Variants in HACL2 observed in about 807,000 individuals in gnomAD.
HACL2 encodes 2-hydroxyacyl-CoA lyase 1 like.
chr19:15,124,556 T>C, the HACL2 span: 6 of 269,974 alleles, frequency 2.2e-5, no homozygotes, highest in Non-Finnish European at 7.1e-6. Flanking sequence ...AGAGGGCAAC[T>C]GTTATGAAAC....
chr19:15,117,682 A>T, the HACL2 span: 1 of 541,060 alleles, frequency 1.8e-6, no homozygotes, highest in Non-Finnish European at 3.2e-6. Context: ...TCGTCTCTAA[A>T]AAATAAAAAT....
the HACL2 span, chr19:15,122,848 C>T: frequency 4.3e-6 from 7 of 1,613,244 alleles, no homozygotes; most frequent in Non-Finnish European, 5.1e-6. This position sits in a 1 kb window ranked among gnomAD's most constrained non-coding sequence, Gnocchi z 4.0. Flanking sequence ...ATGTCCCCAG[C>T]CCCTCGGCCC....
the HACL2 span, chr19:15,125,099 G>C: frequency 6.7e-7 from 1 of 1,487,954 alleles, no homozygotes; most frequent in South Asian, 1.3e-5. Context: ...TCCCAGACTT[G>C]GGCGCGACAG....
At chr19:15,115,942 G>C in the HACL2 span, 1 of 1,614,136 alleles carries the variant, frequency 6.2e-7, no homozygotes, top group Non-Finnish European at 8.5e-7. Context: ...GGGGACCCAG[G>C]ATGGTTAGGG....
chr19:15,121,139 T>A, the HACL2 span, among the ~76,000 whole-genome samples: 131 of 151,974 alleles, frequency 8.6e-4, no homozygotes, highest in Non-Finnish European at 1.3e-3. Context: ...TGCACCTGTA[T>A]TCCCAGCTAC....
chr19:15,118,929 G>A, the HACL2 span, among the ~76,000 whole-genome samples: 3 of 152,340 alleles, frequency 2.0e-5, no homozygotes, highest in Admixed American at 1.3e-4. Flanking sequence ...CCTTATAGGT[G>A]GATCTTGAGA....
At chr19:15,125,293 TC>T in the HACL2 span, 390 of 557,546 alleles carry the variant, frequency 7.0e-4, no homozygotes, top group African/African-American at 7.0e-3. Flanking sequence ...CTAGCCCCAG[TC>T]CTTTACATCA....
the HACL2 span, chr19:15,120,146 T>A: frequency 9.2e-7 from 1 of 1,091,514 alleles, no homozygotes; most frequent in Non-Finnish European, 1.3e-6. Flanking sequence ...TTCCAGGATC[T>A]GAGCAAGGAA....
chr19:15,119,463 A>G, the HACL2 span: 2 of 1,614,150 alleles, frequency 1.2e-6, no homozygotes, highest in East Asian at 4.5e-5. Context: ...CTGACTCCCC[A>G]GCACCATCAG....
chr19:15,115,529 G>A, the HACL2 span: 5 of 1,601,902 alleles, frequency 3.1e-6, no homozygotes, highest in Non-Finnish European at 4.3e-6. Context: ...GACTGAAACA[G>A]CCTCCTGTCC....
chr19:15,119,930 C>T, the HACL2 span: 1 of 1,280,876 alleles, frequency 7.8e-7, no homozygotes, highest in Non-Finnish European at 1.1e-6. Flanking sequence ...AGGGGGCCCT[C>T]TCCCCTCAGG....
the HACL2 span, chr19:15,125,001 A>G: frequency 6.3e-7 from 1 of 1,591,254 alleles, no homozygotes; most frequent in Non-Finnish European, 8.6e-7. Flanking sequence ...CCCGCAGGCC[A>G]GGAGCAGGAA....
the HACL2 span, chr19:15,115,974 G>C: frequency 6.2e-7 from 1 of 1,614,080 alleles, no homozygotes; most frequent in Non-Finnish European, 8.5e-7. Flanking sequence ...CTAGAGAGCA[G>C]CAAGTCTCCC....
At chr19:15,119,991 G>A in the HACL2 span, 4 of 1,548,594 alleles carry the variant, frequency 2.6e-6, no homozygotes, top group Admixed American at 4.0e-5. Flanking sequence ...CCTGCTGCGG[G>A]GAAGCCTGGG....
chr19:15,115,066 AGAG>A, the HACL2 span: 1 of 682,390 alleles, frequency 1.5e-6, no homozygotes, highest in Non-Finnish European at 2.6e-6. Context: ...GGGTCCGTGA[AGAG>A]GAGGGTCCAA....
the HACL2 span, chr19:15,123,867 C>A: frequency 2.1e-6 from 1 of 475,224 alleles, no homozygotes. The surrounding 1 kb of genome is among the most constrained non-coding windows in gnomAD (Gnocchi z 5.1). Flanking sequence ...CCCACTGTTA[C>A]ACTGCCTGTC....
At chr19:15,123,426 G>C in the HACL2 span, 1 of 1,614,198 alleles carries the variant, frequency 6.2e-7, no homozygotes. The surrounding 1 kb of genome is among the most constrained non-coding windows in gnomAD (Gnocchi z 5.1). Flanking sequence ...ACCTCATGGC[G>C]TGTGTCCACC....
the HACL2 span, chr19:15,125,089 T>C: frequency 6.7e-7 from 1 of 1,500,426 alleles, no homozygotes; most frequent in African/African-American, 1.4e-5. Context: ...AAAGGGCACT[T>C]CCCAGACTTG....
the HACL2 span, chr19:15,124,786 G>A: frequency 2.5e-6 from 3 of 1,181,618 alleles, no homozygotes; most frequent in Non-Finnish European, 3.5e-6. Context: ...CAGGGCCCTG[G>A]ACAGAACCTC....
Sources: gnomAD v4.1 joint callset for allele counts (sites outside exome capture counted in the v4.1 genomes callset) on GRCh38, gnomAD v4.1.1 for gene constraint, Gnocchi (gnomAD v3.1) non-coding constraint, MANE v1.5 for transcripts, NCBI Gene and HGNC (gene_info 2026-07-23, HGNC 2026-07-21) for gene names.